FAM135B: variants seen among roughly 807,000 people sequenced by gnomAD.
FAM135B encodes the protein family with sequence similarity 135 member B, also known as protein FAM135B.
FAM135B carries 43 observed loss-of-function variants against 127.7 expected under a neutral mutation model. The ratio of observed to expected loss-of-function variants is 0.34; its 90% confidence interval spans 0.26 to 0.43. The LOEUF (loss-of-function observed/expected upper bound fraction) is 0.43. Ranked by LOEUF, FAM135B falls within the 20% of genes least tolerant of loss-of-function variation. The probability of loss-of-function intolerance (pLI) is 1.00; values close to 1 mark genes in which losing one functional copy is unlikely to be tolerated. For missense variants in FAM135B, 1,558 were observed against 1,725.6 expected, an observed-to-expected ratio of 0.90 and a Z score of 1.72; for synonymous variants, 670 against 665.1, an observed-to-expected ratio of 1.01 and a Z score of -0.11.
At chr8:138,466,143 G>A (rs1006688891) in intron 1 of FAM135B, among the ~76,000 whole-genome samples, 1 of 152,184 alleles carries the variant, frequency 6.6e-6, no homozygotes, top group African/African-American at 2.4e-5. Context: ...CTTCCAACAA[G>A]AGCTCCAGGT....
intron 2 of FAM135B, among the ~76,000 whole-genome samples, chr8:138,351,021 C>T (rs976667705): frequency 6.6e-6 from 1 of 152,156 alleles, no homozygotes; most frequent in African/African-American, 2.4e-5. Context: ...CCCTGAAAGT[C>T]TTACATTATG....
chr8:138,409,566 C>A (rs1459475725), intron 1 of FAM135B, among the ~76,000 whole-genome samples: 1 of 151,914 alleles, frequency 6.6e-6, no homozygotes, highest in African/African-American at 2.4e-5. Context: ...AATTGCATCA[C>A]CTAGGAAGGA....
intron 2 of FAM135B, 112 bp downstream of exon 2, chr8:138,367,793 CGT>C: frequency 2.6e-6 from 2 of 777,762 alleles, no homozygotes; most frequent in Middle Eastern, 5.9e-4. Flanking sequence ...ATCTTTTCTT[CGT>C]TAGTCCCAAA....
At chr8:138,138,011 A>G (rs1816807332) in intron 18 of FAM135B, among the ~76,000 whole-genome samples, 2 of 152,174 alleles carry the variant, frequency 1.3e-5, no homozygotes, top group South Asian at 4.1e-4. Context: ...GACATCACAC[A>G]TTGGGGGCAG....
At chr8:138,192,562 G>A (rs1816227916) in intron 9 of FAM135B, among the ~76,000 whole-genome samples, 1 of 152,152 alleles carries the variant, frequency 6.6e-6, no homozygotes, top group Admixed American at 6.5e-5. Context: ...CCCTGCACTT[G>A]ACGGATCAGT....
chr8:138,224,592 T>C (rs934106990), intron 7 of FAM135B, among the ~76,000 whole-genome samples: 3 of 152,158 alleles, frequency 2.0e-5, no homozygotes, highest in African/African-American at 7.2e-5. Flanking sequence ...CATGGAAGAA[T>C]AGTACTACAC....
At chr8:138,394,576 A>G (rs373796503) in intron 1 of FAM135B, among the ~76,000 whole-genome samples, 58 of 152,252 alleles carry the variant, frequency 3.8e-4, no homozygotes, top group African/African-American at 1.4e-3. Context: ...TAGACCAGTT[A>G]TTCTACCTGT....
intron 1 of FAM135B, among the ~76,000 whole-genome samples, chr8:138,381,415 C>G (rs988083251): frequency 1.3e-5 from 2 of 152,132 alleles, no homozygotes; most frequent in Non-Finnish European, 2.9e-5. Context: ...ACAGCCATGC[C>G]ACCGCCCTCC....
intron 1 of FAM135B, among the ~76,000 whole-genome samples, chr8:138,374,120 C>A (rs749662451): frequency 1.2e-4 from 19 of 152,186 alleles, no homozygotes; most frequent in Non-Finnish European, 2.5e-4. Context: ...GGGCATCACA[C>A]AACCTATTGA....
At chr8:138,219,318 T>C (rs182509706) in intron 7 of FAM135B, among the ~76,000 whole-genome samples, 1 of 152,166 alleles carries the variant, frequency 6.6e-6, no homozygotes, top group Admixed American at 6.5e-5. Flanking sequence ...GAGAACAGGT[T>C]GATATTTTAG....
chr8:138,192,597 C>T (rs1270089141), intron 9 of FAM135B, among the ~76,000 whole-genome samples: 2 of 39,190 alleles, frequency 5.1e-5, no homozygotes, highest in Middle Eastern at 0.013. Flanking sequence ...TTGATAAACT[C>T]GCTCATCTGG....
At chr8:138,214,578 A>G (rs1329668546) in intron 7 of FAM135B, among the ~76,000 whole-genome samples, 5 of 152,208 alleles carry the variant, frequency 3.3e-5, no homozygotes, top group Non-Finnish European at 7.3e-5. Context: ...AGATGTCTGC[A>G]TCATTCTGGG....
chr8:138,282,569 T>C (rs2130749175), intron 3 of FAM135B, among the ~76,000 whole-genome samples: 1 of 152,290 alleles, frequency 6.6e-6, no homozygotes, highest in Middle Eastern at 3.4e-3. Context: ...CAAATAAGCA[T>C]ATGAAAGGTT....
chr8:138,256,792 G>T, intron 4 of FAM135B, 33 bp from the exon 5 acceptor site: 1 of 1,566,896 alleles, frequency 6.4e-7, no homozygotes, highest in Non-Finnish European at 8.8e-7. Context: ...GGGATTTCAG[G>T]AGTCAAATCT....
chr8:138,481,903 A>T (rs1814794684), intron 1 of FAM135B, among the ~76,000 whole-genome samples: 1 of 152,200 alleles, frequency 6.6e-6, no homozygotes, highest in Admixed American at 6.5e-5. Context: ...CTTTAGAAGA[A>T]ATGATTGGAA....
intron 7 of FAM135B, among the ~76,000 whole-genome samples, chr8:138,237,919 C>T (rs73434943): frequency 0.14 from 20,606 of 152,096 alleles, 1,592 homozygotes; most frequent in African/African-American, 0.19. Context: ...TTCTGTTACT[C>T]GGGAGAAACT....
At chr8:138,310,261 C>G (rs1185664418) in intron 3 of FAM135B, among the ~76,000 whole-genome samples, 1 of 152,158 alleles carries the variant, frequency 6.6e-6, no homozygotes, top group Non-Finnish European at 1.5e-5. Flanking sequence ...AATATTATGT[C>G]TGTCTTTATT....
intron 7 of FAM135B, among the ~76,000 whole-genome samples, chr8:138,209,594 C>A (rs995377258): frequency 6.6e-6 from 1 of 152,228 alleles, no homozygotes; most frequent in African/African-American, 2.4e-5. Flanking sequence ...CCAGGCATAG[C>A]ATGTTGATCA....
chr8:138,472,933 A>G (rs565395952), intron 1 of FAM135B, among the ~76,000 whole-genome samples: 1 of 152,308 alleles, frequency 6.6e-6, no homozygotes, highest in East Asian at 1.9e-4. Flanking sequence ...AATGGAGCAC[A>G]TTTTATCTGG....
Sources: gnomAD v4.1 joint callset for allele counts (sites outside exome capture counted in the v4.1 genomes callset) on GRCh38, gnomAD v4.1.1 for gene constraint, MANE v1.5 for transcripts, NCBI Gene and HGNC (gene_info 2026-07-23, HGNC 2026-07-21) for gene names.